Variants in AGBL4 observed in about 807,000 individuals in gnomAD.
AGBL4 encodes AGBL carboxypeptidase 4.
In AGBL4, 58 loss-of-function variants were observed where a neutral mutation model predicts 66.4. The ratio of observed to expected loss-of-function variants is 0.87; its 90% CI spans 0.71 to 1.09. The LOEUF (loss-of-function observed/expected upper bound fraction) is 1.09, where lower values mean the gene tolerates loss of function less well. Among genes scored for constraint, AGBL4 ranks in the 50% least tolerant of loss-of-function variants. The pLI, the probability that AGBL4 is intolerant of heterozygous loss-of-function variation, is 0.00. For synonymous variants in AGBL4, 234 were observed against 222.9 expected (o/e 1.05, Z -0.44); for missense variants, 579 against 631.0 (o/e 0.92, Z 0.88).
chr1:49,272,978 C>T (rs149396658), intron 3 of AGBL4, among the ~76,000 whole-genome samples: 1,720 of 152,194 alleles, frequency 0.011, 50 homozygotes, highest in Admixed American at 0.071. Context: ...TTTATACTGT[C>T]TCTACTAGAT....
At chr1:49,270,607 C>T (rs1489229660) in intron 3 of AGBL4, among the ~76,000 whole-genome samples, 2 of 152,140 alleles carry the variant, frequency 1.3e-5, no homozygotes, top group African/African-American at 4.8e-5. Flanking sequence ...GATCCTTTTG[C>T]CTACTCCTGG....
intron 3 of AGBL4, among the ~76,000 whole-genome samples, chr1:49,586,794 AAC>A (rs1310224724): frequency 6.6e-6 from 1 of 152,182 alleles, no homozygotes; most frequent in Non-Finnish European, 1.5e-5. Context: ...ACCACAAAAT[AAC>A]AGTTTTATAA....
At chr1:48,600,688 G>A (rs1645062244) in intron 9 of AGBL4, among the ~76,000 whole-genome samples, 1 of 152,210 alleles carries the variant, frequency 6.6e-6, no homozygotes, top group African/African-American at 2.4e-5. Flanking sequence ...CTGGGGCTAA[G>A]CTCTATTCAG....
At chr1:48,962,055 C>A (rs1204082259) in intron 5 of AGBL4, among the ~76,000 whole-genome samples, 1 of 152,104 alleles carries the variant, frequency 6.6e-6, no homozygotes, top group East Asian at 1.9e-4. Context: ...GAACCACAGA[C>A]TTAGACCACC....
At chr1:49,037,725 CT>C (rs896415602) in intron 5 of AGBL4, among the ~76,000 whole-genome samples, 2 of 151,974 alleles carry the variant, frequency 1.3e-5, no homozygotes, top group African/African-American at 4.8e-5. Context: ...CAGATCTTAC[CT>C]TTTTATTCAT....
At chr1:49,756,187 C>T (rs2147850758) in intron 2 of AGBL4, among the ~76,000 whole-genome samples, 1 of 151,958 alleles carries the variant, frequency 6.6e-6, no homozygotes, top group South Asian at 2.1e-4. Context: ...AGGTCAGCAC[C>T]CTCATAATTT....
chr1:48,830,168 G>T (rs1360322040), intron 6 of AGBL4, among the ~76,000 whole-genome samples: 1 of 152,154 alleles, frequency 6.6e-6, no homozygotes, highest in Non-Finnish European at 1.5e-5. Context: ...ACAAACAGTT[G>T]AATTTTTGCT....
chr1:48,763,001 A>T (rs1644354246), intron 6 of AGBL4, among the ~76,000 whole-genome samples: 1 of 152,170 alleles, frequency 6.6e-6, no homozygotes, highest in African/African-American at 2.4e-5. Context: ...TGCCTGCTAC[A>T]CACTGAACAT....
At chr1:49,962,600 T>C (rs954708713) in intron 1 of AGBL4, among the ~76,000 whole-genome samples, 1 of 152,110 alleles carries the variant, frequency 6.6e-6, no homozygotes, top group African/African-American at 2.4e-5. Flanking sequence ...ATTCAATAAA[T>C]ACTTAGTGAG....
chr1:49,154,679 T>C (rs1199336949), intron 4 of AGBL4, among the ~76,000 whole-genome samples: 1 of 152,136 alleles, frequency 6.6e-6, no homozygotes, highest in Non-Finnish European at 1.5e-5. Context: ...GAAATAACCT[T>C]CCATTCTCTT....
At chr1:49,104,406 T>A (rs934173891) in intron 4 of AGBL4, among the ~76,000 whole-genome samples, 2 of 152,170 alleles carry the variant, frequency 1.3e-5, no homozygotes, top group Non-Finnish European at 2.9e-5. Context: ...GCAGGTACAA[T>A]TATTTTTTTT....
At chr1:49,279,019 A>C (rs936544045) in intron 3 of AGBL4, among the ~76,000 whole-genome samples, 11 of 152,168 alleles carry the variant, frequency 7.2e-5, no homozygotes, top group Non-Finnish European at 1.5e-4. Flanking sequence ...AGTTTTCCAA[A>C]GCTGAGAATT....
intron 4 of AGBL4, among the ~76,000 whole-genome samples, chr1:49,194,169 AC>A (rs2148214086): frequency 6.6e-6 from 1 of 152,240 alleles, no homozygotes; most frequent in South Asian, 2.1e-4. Context: ...GTCTAGTAAT[AC>A]TTGTTTTATG....
intron 3 of AGBL4, among the ~76,000 whole-genome samples, chr1:49,444,198 A>G (rs1466311791): frequency 6.6e-6 from 1 of 151,990 alleles, no homozygotes; most frequent in Non-Finnish European, 1.5e-5. Context: ...ATTTTGGAGA[A>G]TGTTCCATAT....
At chr1:48,963,263 C>T (rs1263489007) in intron 5 of AGBL4, among the ~76,000 whole-genome samples, 4 of 152,056 alleles carry the variant, frequency 2.6e-5, no homozygotes, top group Admixed American at 2.6e-4. Context: ...TGAGGGCAGC[C>T]TTAATCTGTG....
intron 3 of AGBL4, among the ~76,000 whole-genome samples, chr1:49,601,522 G>A (rs541379970): frequency 6.6e-6 from 1 of 152,044 alleles, no homozygotes; most frequent in South Asian, 2.1e-4. Flanking sequence ...CCAATGAAAC[G>A]GAACAGAGAT....
chr1:49,647,946 T>C (rs1359304789), intron 3 of AGBL4, among the ~76,000 whole-genome samples: 1 of 151,864 alleles, frequency 6.6e-6, no homozygotes, highest in Non-Finnish European at 1.5e-5. Flanking sequence ...TAAAGGCCTA[T>C]TTATAGGATT....
At chr1:49,827,949 C>T (rs963498608) in intron 2 of AGBL4, among the ~76,000 whole-genome samples, 3 of 152,112 alleles carry the variant, frequency 2.0e-5, no homozygotes. Flanking sequence ...AGCAGGGACA[C>T]TAGTAAAATG....
At chr1:49,503,730 G>A (rs113429198) in intron 3 of AGBL4, among the ~76,000 whole-genome samples, 4,174 of 152,230 alleles carry the variant, frequency 0.027, 165 homozygotes, top group African/African-American at 0.095. Flanking sequence ...GGGGCCTATG[G>A]CCCTTTTGTT....
Sources: gnomAD v4.1 joint callset for allele counts (sites outside exome capture counted in the v4.1 genomes callset) on GRCh38, gnomAD v4.1.1 for gene constraint, MANE v1.5 for transcripts, NCBI Gene and HGNC (gene_info 2026-07-23, HGNC 2026-07-21) for gene names.